DMD: variants seen among roughly 807,000 people sequenced by gnomAD.
DMD encodes the protein dystrophin.
DMD carries 63 observed loss-of-function variants against 330.1 expected under a neutral mutation model. That is an observed-to-expected ratio of 0.19 (90% CI 0.16 to 0.24). The LOEUF (loss-of-function observed/expected upper bound fraction) is 0.24, where lower values mean the gene tolerates loss of function less well. Among genes scored for constraint, DMD ranks in the 10% least tolerant of loss-of-function variants. The pLI is 1.00. For missense variants in DMD, 3,344 were observed against 2,684.1 expected (o/e 1.25, Z -5.43); for synonymous variants, 1,223 against 959.8 (o/e 1.27, Z -5.07).
chrX:31,522,866 G>A lies in DMD; in HGVS notation c.8218-15413C>T, dbSNP rs1485767470. On this transcript the variant is annotated intron_variant, in intron 55 of 78. Transcript: ENST00000357033. ...CTCATGGGCATGGTAGCCTGAAATA[G>A]GGGCGGTAAAGAAGGGCCCAGCAGG... Among the ~76,000 whole-genome samples the A allele has an allele frequency of 2.7e-5, 3 of 111,815 alleles. No homozygotes were observed. In the East Asian group the frequency reaches 8.6e-4, roughly 32 times the overall value.
chrX:31,732,510 T>C (rs1381926835), intron 51 of DMD, among the ~76,000 whole-genome samples: 3 of 111,905 alleles, frequency 2.7e-5, no homozygotes, highest in African/African-American at 6.5e-5. Flanking sequence ...ATTTTTCATT[T>C]GGTTTCCTTT....
At chrX:31,528,759 T>C (rs2073444381) in intron 55 of DMD, among the ~76,000 whole-genome samples, 1 of 111,509 alleles carries the variant, frequency 9.0e-6, no homozygotes, top group Admixed American at 9.5e-5. Flanking sequence ...TCTCTACTCT[T>C]AATCTCATGT....
intron 1 of DMD, among the ~76,000 whole-genome samples, chrX:33,253,079 C>G (rs2052798083): frequency 1.8e-5 from 2 of 109,904 alleles, no homozygotes; most frequent in Non-Finnish European, 3.8e-5. Context: ...TATCCATCTC[C>G]TAAGGGTTTG....
At chrX:31,308,752 G>C (rs1328595530) in intron 62 of DMD, among the ~76,000 whole-genome samples, 4 of 109,467 alleles carry the variant, frequency 3.7e-5, no homozygotes, top group Admixed American at 2.0e-4. Flanking sequence ...CTTTGGAGAT[G>C]GAGTCTCAAC....
At chrX:33,246,959 C>T (rs868270919) in intron 1 of DMD, among the ~76,000 whole-genome samples, 3 of 111,473 alleles carry the variant, frequency 2.7e-5, no homozygotes, top group Middle Eastern at 4.6e-3. Flanking sequence ...GCTGGCATTA[C>T]GGGCATGAGC....
intron 44 of DMD, among the ~76,000 whole-genome samples, chrX:32,175,208 C>G (rs771271765): frequency 9.0e-6 from 1 of 110,957 alleles, no homozygotes; most frequent in African/African-American, 3.3e-5. Flanking sequence ...CGAGTGGGGA[C>G]TTGGGGAACT....
chrX:32,216,892 C>T (rs371235710), intron 44 of DMD, 24 bp downstream of exon 44: 23 of 1,194,227 alleles, frequency 1.9e-5, no homozygotes, highest in Middle Eastern at 2.4e-4. Flanking sequence ...AATACAATTT[C>T]GAAAAAACAA....
chrX:32,038,375 G>A (rs901858145), intron 44 of DMD, among the ~76,000 whole-genome samples: 1 of 111,821 alleles, frequency 8.9e-6, no homozygotes, highest in Non-Finnish European at 1.9e-5. Context: ...CTTGTAAGGT[G>A]AAACAAAAGT....
intron 55 of DMD, among the ~76,000 whole-genome samples, chrX:31,608,376 T>C (rs764437450): frequency 1.5e-4 from 17 of 111,730 alleles, no homozygotes; most frequent in South Asian, 3.7e-4. Context: ...AAATAAACAG[T>C]GTGTTTATGA....
At chrX:32,903,697 G>T (rs775323449) in intron 2 of DMD, among the ~76,000 whole-genome samples, 8 of 111,529 alleles carry the variant, frequency 7.2e-5, no homozygotes, top group Non-Finnish European at 9.4e-5. Flanking sequence ...ACTAATCCTG[G>T]CAGTATTTAG....
chrX:32,888,918 T>C (rs994653810), intron 2 of DMD, among the ~76,000 whole-genome samples: 1 of 110,185 alleles, frequency 9.1e-6, no homozygotes, highest in Admixed American at 9.6e-5. Flanking sequence ...CGGAAAATTA[T>C]AATTTTTTTT....
At chrX:32,245,273 G>C (rs1337181648) in intron 43 of DMD, among the ~76,000 whole-genome samples, 6 of 74,049 alleles carry the variant, frequency 8.1e-5, no homozygotes, top group African/African-American at 3.4e-4. Context: ...GATAGTTGTA[G>C]GTATGTGGCG....
At chrX:31,280,838 C>T (rs902664568) in intron 62 of DMD, among the ~76,000 whole-genome samples, 27 of 111,891 alleles carry the variant, frequency 2.4e-4, no homozygotes, top group African/African-American at 7.5e-4. Flanking sequence ...TCATCCAATA[C>T]AGAAATTGCC....
At chrX:32,972,228 A>G (rs2092407464) in intron 2 of DMD, among the ~76,000 whole-genome samples, 1 of 111,255 alleles carries the variant, frequency 9.0e-6, no homozygotes, top group Admixed American at 9.6e-5. Context: ...CCCAGGCTGG[A>G]GTGCGATGGT....
At chrX:31,389,107 T>G (rs2060585770) in intron 60 of DMD, among the ~76,000 whole-genome samples, 1 of 112,410 alleles carries the variant, frequency 8.9e-6, no homozygotes, top group Admixed American at 9.4e-5. Context: ...GTTTTATGAC[T>G]ATTTCATTTT....
Position 32,424,568 on chromosome X carries a change from T to G in DMD, c.4072-12655A>C, listed in dbSNP as rs750366759. Among the ~76,000 whole-genome samples the G allele has an allele frequency of 1.5e-4, 17 of 111,623 alleles. No homozygotes were observed. In the South Asian group the frequency reaches 1.9e-3, roughly 12 times the overall value. ...AAATTGGCTTCAAAGCCATGCAACC[T>G]GTGCAGTTATGCAGTAACTCATGCT... On this transcript the variant is annotated intron_variant, in intron 29 of 78. Transcript: ENST00000357033.
intron 62 of DMD, among the ~76,000 whole-genome samples, chrX:31,281,924 C>T (rs1416314785): frequency 1.8e-5 from 2 of 111,927 alleles, no homozygotes; most frequent in Admixed American, 9.5e-5. Context: ...TTATTTTTTA[C>T]TGATCTATGG....
chrX:33,260,404 A>G (rs951456494), intron 1 of DMD, among the ~76,000 whole-genome samples: 1 of 111,693 alleles, frequency 9.0e-6, no homozygotes, highest in African/African-American at 3.2e-5. Context: ...CAGTCCAGTT[A>G]CTTTTCAGTA....
At chrX:32,404,354 G>A (rs998100302) in intron 30 of DMD, among the ~76,000 whole-genome samples, 2 of 111,311 alleles carry the variant, frequency 1.8e-5, no homozygotes, top group Admixed American at 1.9e-4. Context: ...AGCAAACCAC[G>A]GCAGTATTTT....
Sources: gnomAD v4.1 joint callset for allele counts (sites outside exome capture counted in the v4.1 genomes callset) on GRCh38, gnomAD v4.1.1 for gene constraint, MANE v1.5 for transcripts, NCBI Gene and HGNC (gene_info 2026-07-23, HGNC 2026-07-21) for gene names.